The following ABCC5 variants were observed in gnomAD, a reference collection of about 807,000 sequenced individuals.
The protein encoded by ABCC5 is ATP-binding cassette sub-family C member 5.
ABCC5 carries 61 observed loss-of-function variants against 160.9 expected under a neutral mutation model. The ratio of observed to expected loss-of-function variants is 0.38; its 90% CI spans 0.31 to 0.47. ABCC5 has a LOEUF of 0.47. Among genes scored for constraint, ABCC5 ranks in the 20% least tolerant of loss-of-function variants. The pLI, the probability that ABCC5 is intolerant of heterozygous loss-of-function variation, is 0.99. For missense variants in ABCC5, 1,308 were observed against 1,813.3 expected (o/e 0.72, Z 5.06); for synonymous variants, 666 against 700.6 (o/e 0.95, Z 0.78).
intron 26 of ABCC5, among the ~76,000 whole-genome samples, chr3:183,929,684 T>C (rs1206083645): frequency 6.6e-6 from 1 of 152,186 alleles, no homozygotes; most frequent in East Asian, 1.9e-4. Flanking sequence ...CCATTTTTGC[T>C]TACTGTGCCA....
intron 17 of ABCC5, among the ~76,000 whole-genome samples, chr3:183,958,120 G>A (rs1271452002): frequency 2.7e-5 from 4 of 150,084 alleles, no homozygotes; most frequent in Non-Finnish European, 5.9e-5. Flanking sequence ...ATATCACATC[G>A]GTTACATGCA....
At chr3:183,927,016 G>T (rs1045229386) in intron 28 of ABCC5, among the ~76,000 whole-genome samples, 11 of 151,872 alleles carry the variant, frequency 7.2e-5, no homozygotes, top group African/African-American at 2.7e-4. Context: ...CTACACTCCA[G>T]CCTGGAGACA....
chr3:183,924,002 A>G (rs1484969747), intron 29 of ABCC5, among the ~76,000 whole-genome samples: 1 of 96,430 alleles, frequency 1.0e-5, no homozygotes, highest in Non-Finnish European at 2.0e-5. Flanking sequence ...ACCAATTTTT[A>G]CTGTTTGCTT....
chr3:183,971,444 G>A (rs906441485), intron 11 of ABCC5, 119 bp downstream of exon 11: 2 of 933,728 alleles, frequency 2.1e-6, no homozygotes, highest in Non-Finnish European at 3.2e-6. Context: ...TTGCTCTTTA[G>A]TTCAAAATCA....
chr3:183,966,932 T>TAATC (rs1205513083), intron 12 of ABCC5, among the ~76,000 whole-genome samples: 1 of 152,162 alleles, frequency 6.6e-6, no homozygotes, highest in African/African-American at 2.4e-5. Flanking sequence ...GGTGTAGAGA[T>TAATC]AATCATAAGT....
chr3:183,950,153 T>C, intron 20 of ABCC5, 28 bp from the exon 21 acceptor site: 2 of 1,580,822 alleles, frequency 1.3e-6, no homozygotes, highest in Non-Finnish European at 1.7e-6. Context: ...GGAGCAAGTG[T>C]CAGATGGTTT....
At chr3:183,977,702 T>G in intron 9 of ABCC5, 78 bp from the exon 10 acceptor site, 1 of 997,214 alleles carries the variant, frequency 1.0e-6, no homozygotes, top group Admixed American at 2.2e-5. Context: ...GAATTTCCTC[T>G]CAGGCGCTAG....
Position 183,953,237 on chromosome 3 carries a change from C to T in ABCC5, c.2516G>A (p.Gly839Asp). 1 of 1,612,694 alleles carries T rather than the reference C, an allele frequency of 6.2e-7. No individual in the cohort carries two copies. The highest frequency in any genetic ancestry group is 8.5e-7 in the Non-Finnish European group (1 of 1,179,334). ...QLVQLEEKGQ[G>D]SVPWSVYGVY... ...ACCATATACTGACCAGGGCACTGAA[C>T]CCTGCCCTTTCTCTTCCAGCTGCAC... is the stretch of plus-strand genomic sequence containing the variant. The change falls in exon 18 of 30, where the codon GGT (glycine) becomes GAT (aspartate). Residue 839 changes from glycine (G) to aspartate (D), a missense_variant. By Grantham distance (94) the Gly-to-Asp change is moderately conservative. Coordinates refer to ENST00000334444, the MANE Select transcript of ABCC5 (RefSeq NM_005688.4).
At chr3:183,957,299 G>T (rs1716155580) in intron 17 of ABCC5, among the ~76,000 whole-genome samples, 2 of 107,026 alleles carry the variant, frequency 1.9e-5, no homozygotes, top group African/African-American at 6.7e-5. Context: ...GTTACATGCG[G>T]ATCCGTGTGT....
intron 2 of ABCC5, among the ~76,000 whole-genome samples, chr3:183,999,379 A>C (rs1236671685): frequency 6.6e-6 from 1 of 152,224 alleles, no homozygotes; most frequent in African/African-American, 2.4e-5. Flanking sequence ...CAATGAACCA[A>C]GAGAAAAGAC....
intron 17 of ABCC5, among the ~76,000 whole-genome samples, chr3:183,956,508 G>C (rs1715994725): frequency 7.2e-6 from 1 of 139,388 alleles, no homozygotes; most frequent in Non-Finnish European, 1.6e-5. Context: ...GGATCCGTGT[G>C]TATATCACAT....
chr3:183,987,650 G>C lies in ABCC5; in HGVS notation c.591+120C>G. The C allele has an allele frequency of 7.4e-7, 1 of 1,349,362 alleles. No individual in the cohort carries two copies. The highest frequency in any genetic ancestry group is 1.0e-6 in the Non-Finnish European group (1 of 964,380). The allele number at this position is 1,349,362 out of a possible 1,614,324, so 83.6% of individuals were successfully genotyped here. On this transcript the variant is annotated intron_variant, in intron 5 of 29. Coordinates refer to ENST00000334444, the MANE Select transcript of ABCC5 (RefSeq NM_005688.4). This position sits in a 1 kb window ranked among gnomAD's most constrained non-coding sequence, Gnocchi z 4.2. ...TCGACCCCTTTCAACAGACCTGAAG[G>C]CATCTCTAAGACTGCTACCTAGCCC...
intron 2 of ABCC5, among the ~76,000 whole-genome samples, chr3:183,995,802 G>C (rs185572696): frequency 2.9e-3 from 434 of 152,028 alleles, no homozygotes; most frequent in African/African-American, 9.8e-3. Context: ...GTTAGAAGGG[G>C]TTTTCTTGTT....
intron 2 of ABCC5, among the ~76,000 whole-genome samples, chr3:184,005,170 T>A (rs149841766): frequency 1.4e-4 from 21 of 152,238 alleles, no homozygotes; most frequent in African/African-American, 4.8e-4. Context: ...ATAGTCTGCC[T>A]AGTAAGTGTC....
chr3:183,995,343 C>T (rs914194682), intron 2 of ABCC5, among the ~76,000 whole-genome samples: 1 of 152,082 alleles, frequency 6.6e-6, no homozygotes, highest in Non-Finnish European at 1.5e-5. Context: ...TAGTGTCATG[C>T]CTAAGAACTC....
chr3:183,983,947 T>C (rs2108857359), intron 5 of ABCC5: 1 of 985,316 alleles, frequency 1.0e-6, no homozygotes, highest in South Asian at 4.7e-5. Context: ...ACAGTAGAAA[T>C]AGAGAATAGA....
chr3:183,921,261 A>T lies in ABCC5; in HGVS notation c.*39T>A. On this transcript the variant is annotated 3_prime_UTR_variant, in exon 30 of 30. Transcript: ENST00000334444. The surrounding 1 kb of genome is among the most constrained non-coding windows in gnomAD (Gnocchi z 4.1). ...GGGCCCGCCCCAGGCAGGGAATGGC[A>T]ATGCTCTAAAGAAAAGAGACTTCGT... The T allele has an allele frequency of 3.2e-6, 4 of 1,237,946 alleles. No individual in the cohort carries two copies. Among genetic ancestry groups the T allele is most frequent in the Non-Finnish European group, 3.5e-6 (3 of 855,292 alleles). The allele number at this position is 1,237,946 out of a possible 1,614,324, so 76.7% of individuals were successfully genotyped here.
intron 29 of ABCC5, 133 bp downstream of exon 29, chr3:183,925,422 G>T: frequency 1.2e-6 from 1 of 837,610 alleles, no homozygotes; most frequent in Non-Finnish European, 1.8e-6. Flanking sequence ...CCTCCCAATA[G>T]CAAGTAAATA....
At chr3:184,002,720 G>A (rs1720851158) in intron 2 of ABCC5, among the ~76,000 whole-genome samples, 1 of 152,200 alleles carries the variant, frequency 6.6e-6, no homozygotes, top group Admixed American at 6.5e-5. Context: ...CCCCTGCACG[G>A]AGGCCTCTGG....
Sources: allele counts gnomAD v4.1 joint callset (sites outside exome capture counted in the v4.1 genomes callset), GRCh38; gene constraint gnomAD v4.1.1; non-coding constraint Gnocchi (gnomAD v3.1); transcripts MANE v1.5; gene names NCBI Gene and HGNC (gene_info 2026-07-23, HGNC 2026-07-21).